Variants in TTN observed in about 807,000 individuals in gnomAD.
The protein encoded by TTN is connectin.
Under a neutral mutation model 3,223.0 loss-of-function variants are expected in TTN, and 1,525 were observed. The observed-to-expected ratio is 0.47, with a 90% CI of 0.45 to 0.49. The LOEUF is 0.49. TTN is among the 20% of genes least tolerant of loss of function. The probability of loss-of-function intolerance (pLI) is 0.00; values close to 1 mark genes in which losing one functional copy is unlikely to be tolerated. For synonymous variants in TTN, 14,094 were observed against 15,161.0 expected, an observed-to-expected ratio of 0.93 and a Z score of 5.17; for missense variants, 40,786 against 43,424.0, an observed-to-expected ratio of 0.94 and a Z score of 5.40.
rs377291343 is a variant in TTN, at chr2:178,543,447, A to T, written c.96526T>A (p.Tyr32176Asn). The stretch of plus-strand genomic sequence containing the variant: ...ATATTTTCTGGCAGCACTCTGAAAT[A>T]GTACATGGTTCCTTCTACAAGTCCA... The part of the protein sequence containing the change: ...ISGLVEGTMY[Y>N]FRVLPENIYG... The change falls in exon 347 of 363, where the codon TAT (tyrosine) becomes AAT (asparagine). Residue 32176 changes from tyrosine (Y) to asparagine (N), a missense_variant. Tyr to Asn is a moderately radical substitution (Grantham distance 143, BLOSUM62 -2). Transcript: ENST00000589042. 8.1e-6 allele frequency: 13 copies of T among 1,613,710 alleles called. No individual in the cohort carries two copies. The African/African-American group carries it at 1.6e-4, about 20-fold the overall frequency.
rs1707429702 is a variant in TTN, at chr2:178,569,695, G to A, written c.76437C>T (p.Phe25479=). The stretch of plus-strand genomic sequence containing the variant: ...CAGCTTTATTAATAGCACAGATACG[G>A]AAGTTGTATTCATGCTTTTCCAACA... The part of the protein sequence containing the change: ...EKLLEKHEYN[F]RICAINKAGV... Residue 25479 remains phenylalanine (F), a synonymous_variant, in exon 326 of 363, where the codon TTC becomes TTT. Coordinates refer to ENST00000589042, the MANE Select transcript of TTN (RefSeq NM_001267550.2). 6.2e-7 allele frequency: 1 copy of A among 1,612,862 alleles called. No homozygotes were observed. The highest frequency in any genetic ancestry group is 1.3e-5 in the African/African-American group (1 of 74,872).
rs372007344 is a variant in TTN at position 178,571,947 on chromosome 2, C to T, written c.74185G>A (p.Ala24729Thr). The T allele has an allele frequency of 1.4e-5, 22 of 1,613,192 alleles. No individual in the cohort carries two copies. Among genetic ancestry groups the T allele is most frequent in the Non-Finnish European group, 1.8e-5 (21 of 1,179,592 alleles). The change falls in exon 326 of 363, where the codon GCA becomes ACA. Residue 24729 changes from alanine to threonine, a missense_variant. By Grantham distance (58) the Ala-to-Thr change is moderately conservative. Transcript: ENST00000589042. ...ACATCAACTTTTAGGTCTTCACCTG[C>T]CAGTACAGTGAAAGTATTGAACAGG... ...KLLFNTFTVL[A>T]GEDLKVDVPF... is the part of the protein sequence containing the mutation.
At chr2:178,743,810 G>A (rs2082932652) in intron 47 of TTN, among the ~76,000 whole-genome samples, 1 of 151,916 alleles carries the variant, frequency 6.6e-6, no homozygotes, top group Non-Finnish European at 1.5e-5. Flanking sequence ...TTTGTGATGT[G>A]ATATATTACA....
In TTN at chr2:178,536,385, C is replaced by T. The variant is rs777386637; in HGVS notation, c.100362G>A (p.Val33454=). The T allele has an allele frequency of 1.2e-6, 2 of 1,613,636 alleles. No homozygotes were observed. The highest frequency in any genetic ancestry group is 1.7e-6 in the Non-Finnish European group (2 of 1,179,780). ...TEEIRETVFS[V]KNLIEGLEYE... Reference sequence around the variant, plus strand: ...ATTCAAGACCTTCAATAAGGTTTTTCACTGAAAAGACAGTTTCTCGAATTT... The same window carrying T: ...ATTCAAGACCTTCAATAAGGTTTTTTACTGAAAAGACAGTTTCTCGAATTT... The change falls in exon 357 of 363, where the codon GTG becomes GTA. Residue 33454 remains valine (V), a synonymous_variant. Coordinates refer to ENST00000589042, the MANE Select transcript of TTN (RefSeq NM_001267550.2).
chr2:178,578,175 G>T lies in TTN; in HGVS notation c.68340C>A (p.Leu22780=). 7 of 1,611,456 alleles carry T rather than the reference G, an allele frequency of 4.3e-6. No individual in the cohort carries two copies. The South Asian group carries it at 7.7e-5, about 18-fold the overall frequency. The part of the protein sequence containing the change: ...TGGSPITGYH[L]EFKERNSLLW... ...AAAGGCTGTTTCTTTCCTTGAACTC[G>T]AGATGATACCCTACAAAAGACCCAG... Residue 22780 remains leucine (L), a synonymous_variant, in exon 322 of 363, where the codon CTC becomes CTA. Transcript: ENST00000589042.
intron 214 of TTN, 63 bp downstream of exon 214, chr2:178,647,318 C>T: frequency 1.3e-6 from 2 of 1,511,840 alleles, no homozygotes; most frequent in South Asian, 2.5e-5. Context: ...GATTCATCTA[C>T]AATCAAAGCA....
At chr2:178,771,570 T>C in intron 33 of TTN, 99 bp from the exon 34 acceptor site, 1 of 1,528,388 alleles carries the variant, frequency 6.5e-7, no homozygotes, top group Non-Finnish European at 9.0e-7. Context: ...TTTAAGAACA[T>C]GATTTTGAAA....
chr2:178,748,580 T>A, intron 47 of TTN: 2 of 1,613,066 alleles, frequency 1.2e-6, no homozygotes, highest in East Asian at 2.2e-5. Flanking sequence ...GTCAGCAGGA[T>A]GTTGGATTTT....
chr2:178,577,488 A>C lies in TTN; in HGVS notation c.68847T>G (p.Asp22949Glu). 6.3e-7 allele frequency: 1 copy of C among 1,590,794 alleles called. No homozygotes were observed. The highest frequency in any genetic ancestry group is 8.6e-7 in the Non-Finnish European group (1 of 1,166,070). The change falls in exon 324 of 363, where the codon GAT (aspartate) becomes GAG (glutamate). Residue 22949 changes from aspartate (D) to glutamate (E), a missense_variant. Transcript: ENST00000589042. The part of the protein sequence containing the change: ...DEYEAPTIVL[D>E]PTIKDGLTIK... Reference sequence around the variant, plus strand: ...TTGTTAGCCCATCTTTTATTGTGGGATCAAGGACAATTGTTGGTGCCTCTG... The same window carrying C: ...TTGTTAGCCCATCTTTTATTGTGGGCTCAAGGACAATTGTTGGTGCCTCTG...
rs2059789432 is a variant in TTN at position 178,631,445 on chromosome 2, C to T, written c.43748-145G>A. 4.8e-6 allele frequency: 4 copies of T among 841,888 alleles called. No individual in the cohort carries two copies. In the South Asian group the frequency reaches 5.9e-5, roughly 12 times the overall value. The allele number at this position is 841,888 out of a possible 1,614,324, so 52.2% of individuals were successfully genotyped here. On this transcript the variant is annotated intron_variant, in intron 236 of 362. Transcript: ENST00000589042. The stretch of plus-strand genomic sequence containing the variant: ...TTCAATCATTTAACCTGTTTATGTT[C>T]AAAAGTTCTCTAAATATTAGGAAGG...
At position 178,732,454 on chromosome 2, in the gene TTN, T is replaced by C. The variant is rs1380672169; in HGVS notation, c.16607A>G (p.Asn5536Ser). Residue 5536 changes from asparagine (N) to serine (S), a missense_variant, in exon 56 of 363, where the codon AAC becomes AGC. By Grantham distance (46) the Asn-to-Ser change is conservative (BLOSUM62 1). Coordinates refer to ENST00000589042, the MANE Select transcript of TTN (RefSeq NM_001267550.2). Reference protein sequence around the residue: ...NVAGGVECSANLFVKEPATFV... With the variant: ...NVAGGVECSASLFVKEPATFV... ...ACAATGCAAACCTTTTACAAACAAGTTTGCACTGCATTCCACCCCTCCAGC... is the reference window on the plus strand; with the variant it reads ...ACAATGCAAACCTTTTACAAACAAGCTTGCACTGCATTCCACCCCTCCAGC... The C allele has an allele frequency of 6.2e-7, 1 of 1,606,662 alleles. No individual in the cohort carries two copies. The highest frequency in any genetic ancestry group is 1.7e-5 in the Admixed American group (1 of 59,316).
rs774138200 is a variant in TTN, at chr2:178,789,980, TCTC to T, written c.1933_1935del (p.Glu645del). 13 of 1,612,778 alleles carry T rather than the reference TCTC, an allele frequency of 8.1e-6. No individual in the cohort carries two copies. In the Admixed American group the frequency reaches 2.2e-4, roughly 27 times the overall value. On this transcript the variant is annotated inframe_deletion, in exon 12 of 363. Transcript: ENST00000589042. Reference sequence around the variant, plus strand: ...ACAGCTCAAATATCTGTATTCACCTTCTCCTGAGTTATTTGCACTTGTTCTCTT... The same window carrying T: ...ACAGCTCAAATATCTGTATTCACCTTCTGAGTTATTTGCACTTGTTCTCTT...
chr2:178,646,104 T>TTTTATA lies in TTN; in HGVS notation c.40298-75_40298-74insTATAAA, dbSNP rs1188641505. ...GGATATGTAGTATATTTAATAGAAATTATATATATATATATATATATATAT... is the reference window on the plus strand; with the variant it reads ...GGATATGTAGTATATTTAATAGAAATTTTATATATATATATATATATATATATATAT... On this transcript the variant is annotated intron_variant, in intron 216 of 362. Transcript: ENST00000589042. 339 of 37,996 alleles carry TTTTATA rather than the reference T, an allele frequency of 8.9e-3. 14 individuals are homozygous for TTTTATA. Among genetic ancestry groups the TTTTATA allele is most frequent in the South Asian group, 0.021 (23 of 1,106 alleles). The allele number at this position is 37,996 out of a possible 1,614,324, so 2.4% of individuals were successfully genotyped here.
At chr2:178,744,958 G>A in intron 47 of TTN, 1 of 985,290 alleles carries the variant, frequency 1.0e-6, no homozygotes. Context: ...CACTTATGAA[G>A]AGGAATATTA....
chr2:178,601,185 T>C lies in TTN; in HGVS notation c.55733-14A>G. 6.6e-7 allele frequency: 1 copy of C among 1,520,986 alleles called. No homozygotes were observed. The highest frequency in any genetic ancestry group is 8.8e-7 in the Non-Finnish European group (1 of 1,138,334). 94.2% of individuals were successfully genotyped at this position (1,520,986 alleles called of 1,614,324 possible). A position where few individuals can be genotyped will look rare whatever the true frequency, so the allele number is the denominator to read the frequency against. On this transcript the variant is annotated splice_polypyrimidine_tract_variant and intron_variant, in intron 287 of 362. Coordinates refer to ENST00000589042, the MANE Select transcript of TTN (RefSeq NM_001267550.2). ...GATCAGGAGGATCTGTAAAAATAAT[T>C]AAAGGAAGTATTAAGCGTTGTTTAT...
rs749107962 is a variant in TTN, at chr2:178,554,613, G to C, written c.88734C>G (p.Arg29578=). The stretch of plus-strand genomic sequence containing the variant: ...GTTCAGACACCATAGACCACACAAC[G>C]CGGCTTGTCTCACGCTTTTCCACAA... The part of the protein sequence containing the change: ...HYIVEKRETS[R]VVWSMVSEHL... The change falls in exon 332 of 363, where the codon CGC becomes CGG. Residue 29578 remains arginine (R), a synonymous_variant. Coordinates refer to ENST00000589042, the MANE Select transcript of TTN (RefSeq NM_001267550.2). The C allele has an allele frequency of 6.2e-7, 1 of 1,613,788 alleles. No individual in the cohort carries two copies.
At chr2:178,670,820 A>C (rs1157905416) in intron 156 of TTN, among the ~76,000 whole-genome samples, 2 of 151,970 alleles carry the variant, frequency 1.3e-5, no homozygotes, top group African/African-American at 4.8e-5. Flanking sequence ...TATATAACCA[A>C]ATAGCACCAA....
chr2:178,746,956 GAA>G (rs747239786), intron 47 of TTN: 1 of 1,613,518 alleles, frequency 6.2e-7, no homozygotes, highest in Non-Finnish European at 8.5e-7. Context: ...TAGGTGTGTA[GAA>G]ATGCTCATTT....
At position 178,545,466 on chromosome 2, in the gene TTN, G is replaced by A. The variant is rs745999245; in HGVS notation, c.95644C>T (p.Arg31882Trp). ...SLMEGCDYQF[R>W]VTAVNAAGNS... ...CCAGCTGCATTCACTGCGGTCACCC[G>A]GAACTGGTAATCACAACCCTCCATC... Residue 31882 changes from arginine to tryptophan, a missense_variant, in exon 344 of 363, where the codon CGG (arginine) becomes TGG (tryptophan). By Grantham distance (101) the Arg-to-Trp change is moderately radical. Transcript: ENST00000589042. The A allele has an allele frequency of 8.7e-6, 14 of 1,613,026 alleles. No homozygotes were observed. Among genetic ancestry groups the A allele is most frequent in the Non-Finnish European group, 1.2e-5 (14 of 1,179,164 alleles).
Sources: allele counts gnomAD v4.1 joint callset (sites outside exome capture counted in the v4.1 genomes callset), GRCh38; gene constraint gnomAD v4.1.1; transcripts MANE v1.5; gene names NCBI Gene and HGNC (gene_info 2026-07-23, HGNC 2026-07-21).